The following POU6F1 variants were observed in gnomAD, a reference collection of about 807,000 sequenced individuals.
The protein encoded by POU6F1 is POU class 6 homeobox 1, also known as POU domain, class 6, transcription factor 1.
In POU6F1, 9 loss-of-function variants were observed where a neutral mutation model predicts 28.9. The ratio of observed to expected loss-of-function variants is 0.31; its 90% CI spans 0.19 to 0.54. POU6F1 has a LOEUF of 0.54. Ranked by LOEUF, POU6F1 falls within the 20% of genes least tolerant of loss-of-function variation. The pLI, the probability that POU6F1 is intolerant of heterozygous loss-of-function variation, is 0.94. For synonymous variants in POU6F1, 173 were observed against 171.1 expected (o/e 1.01, Z -0.09); for missense variants, 338 against 426.1 (o/e 0.79, Z 1.82).
In POU6F1 at chr12:51,190,631, A is replaced by C. The variant is rs746343924; in HGVS notation, c.1491-39T>G. 1.3e-6 allele frequency: 2 copies of C among 1,597,878 alleles called. No homozygotes were observed. The highest frequency in any genetic ancestry group is 2.2e-5 in the South Asian group (2 of 89,048). On this transcript the variant is annotated intron_variant, in intron 10 of 10. Transcript: ENST00000333640. The surrounding 1 kb of genome is among the most constrained non-coding windows in gnomAD (Gnocchi z 4.5). The stretch of plus-strand genomic sequence containing the variant: ...ATACCCAGGAAGAGGCAGTGAGAGC[A>C]TGTTGGTCTCTTTGGCACACCCCGC...
rs777397038 is a variant in POU6F1, at chr12:51,190,342, G to C, written c.1741C>G (p.Leu581Val). 2.5e-6 allele frequency: 4 copies of C among 1,614,192 alleles called. No individual in the cohort carries two copies. Among genetic ancestry groups the C allele is most frequent in the Non-Finnish European group, 2.5e-6 (3 of 1,180,042 alleles). Residue 581 changes from leucine (L) to valine (V), a missense_variant, in exon 11 of 11, where the codon CTC (leucine) becomes GTC (valine). Coordinates refer to ENST00000333640, the MANE Select transcript of POU6F1 (RefSeq NM_001330422.2). The surrounding 1 kb of genome is among the most constrained non-coding windows in gnomAD (Gnocchi z 4.5). ...CGCACTACCTCACGGTCGTAGTTGA[G>C]CTCCTTAGCAATTTCAGTGATCTCC... ...GQEITEIAKE[L>V]NYDREVVRVW...
intron 3 of POU6F1, chr12:51,201,683 C>G (rs2137157807): frequency 6.6e-6 from 1 of 152,194 alleles, no homozygotes; most frequent in East Asian, 1.9e-4. Context: ...AGCTTACCCT[C>G]TAAAGAAGCA....
intron 7 of POU6F1, 41 bp from the exon 8 acceptor site, chr12:51,196,214 C>T (rs1420798633): frequency 2.8e-6 from 4 of 1,419,834 alleles, no homozygotes; most frequent in Non-Finnish European, 3.7e-6. Context: ...GTGAGGGTAG[C>T]ATCCAGCTCC....
chr12:51,213,360 C>T (rs1235590213), intron 1 of POU6F1, among the ~76,000 whole-genome samples: 1 of 152,122 alleles, frequency 6.6e-6, no homozygotes, highest in Non-Finnish European at 1.5e-5. Context: ...GACTTTTAAA[C>T]TCAGATCCAT....
intron 1 of POU6F1, among the ~76,000 whole-genome samples, chr12:51,209,148 C>A (rs1943823000): frequency 6.6e-6 from 1 of 152,334 alleles, no homozygotes; most frequent in South Asian, 2.1e-4. Flanking sequence ...ACATCCCATA[C>A]AATTAACCAT....
rs145240648 is a variant in POU6F1, at chr12:51,217,498, C to G, written c.-48+144G>C. 0.056 allele frequency: 8,544 copies of G among 152,706 alleles called. 752 individuals carry two copies. Among genetic ancestry groups the G allele is most frequent in the African/African-American group, 0.18 (7,469 of 41,422 alleles). The allele number at this position is 152,706 out of a possible 1,614,324, so 9.5% of individuals were successfully genotyped here. A position where few individuals can be genotyped will look rare whatever the true frequency, so the allele number is the denominator to read the frequency against. On this transcript the variant is annotated intron_variant, in intron 1 of 10. Coordinates refer to ENST00000333640, the MANE Select transcript of POU6F1 (RefSeq NM_001330422.2). This position sits in a 1 kb window ranked among gnomAD's most constrained non-coding sequence, Gnocchi z 5.3. ...CCGGCCCAGCATCCCGCCGCCCCGG[C>G]CCCGCGGCTTTTTTTCTCTTTATCA...
intron 9 of POU6F1, among the ~76,000 whole-genome samples, chr12:51,192,103 C>T (rs541613050): frequency 2.4e-5 from 3 of 124,740 alleles, no homozygotes; most frequent in South Asian, 2.5e-4. Context: ...GCCCATGGCT[C>T]GGCCTCTCCA....
At chr12:51,208,674 C>T (rs1373438075) in intron 1 of POU6F1, among the ~76,000 whole-genome samples, 6 of 152,172 alleles carry the variant, frequency 3.9e-5, no homozygotes, top group Non-Finnish European at 4.4e-5. Context: ...TAAAAAAGAA[C>T]CAAGGCTCAT....
intron 1 of POU6F1, among the ~76,000 whole-genome samples, chr12:51,214,073 C>T (rs572027849): frequency 1.3e-5 from 2 of 151,712 alleles, no homozygotes; most frequent in African/African-American, 2.4e-5. Context: ...AACCGGGAGG[C>T]GGAGGTTGCA....
intron 2 of POU6F1, among the ~76,000 whole-genome samples, chr12:51,204,855 G>C (rs116893960): frequency 6.6e-6 from 1 of 152,006 alleles, no homozygotes; most frequent in African/African-American, 2.4e-5. Context: ...AAAGATAAAG[G>C]GATGGAAAAT....
intron 3 of POU6F1, among the ~76,000 whole-genome samples, chr12:51,200,446 T>C (rs1193570164): frequency 2.0e-5 from 3 of 152,164 alleles, no homozygotes; most frequent in African/African-American, 7.2e-5. Flanking sequence ...TTTTCTCTGC[T>C]ATTCCCGGAG....
intron 6 of POU6F1, 49 bp from the exon 7 acceptor site, chr12:51,196,976 C>A (rs1942869212): frequency 2.6e-6 from 3 of 1,142,172 alleles, no homozygotes; most frequent in East Asian, 2.4e-5. Flanking sequence ...GTGAGAAGAA[C>A]CCCGGGCAGA....
At chr12:51,194,107 A>T (rs925943733) in intron 8 of POU6F1, among the ~76,000 whole-genome samples, 2 of 151,670 alleles carry the variant, frequency 1.3e-5, no homozygotes, top group African/African-American at 4.8e-5. Context: ...GCTCATCACA[A>T]CCTCTGCCTC....
At chr12:51,192,268 G>T (rs1263602260) in intron 9 of POU6F1, 62 bp downstream of exon 9, 2 of 1,579,266 alleles carry the variant, frequency 1.3e-6, no homozygotes, top group Non-Finnish European at 1.7e-6. Flanking sequence ...CATCTGAAGA[G>T]ATTGGGTGCC....
At chr12:51,195,380 G>C (rs970496757) in intron 8 of POU6F1, among the ~76,000 whole-genome samples, 2 of 152,104 alleles carry the variant, frequency 1.3e-5, no homozygotes, top group Non-Finnish European at 2.9e-5. Flanking sequence ...CTTTTCTCTA[G>C]GGCCCCAAAC....
intron 9 of POU6F1, among the ~76,000 whole-genome samples, chr12:51,192,094 C>A (rs575788683): frequency 6.7e-6 from 1 of 149,996 alleles, no homozygotes; most frequent in East Asian, 2.0e-4. Context: ...GCGGAGACAG[C>A]CCATGGCTCG....
intron 1 of POU6F1, among the ~76,000 whole-genome samples, chr12:51,214,977 A>G (rs556005344): frequency 6.6e-6 from 1 of 152,236 alleles, no homozygotes; most frequent in African/African-American, 2.4e-5. Flanking sequence ...AGAAAAAAAA[A>G]AGAAATGTGA....
At chr12:51,212,835 TAAG>T (rs534328237) in intron 1 of POU6F1, among the ~76,000 whole-genome samples, 2 of 85,362 alleles carry the variant, frequency 2.3e-5, no homozygotes, top group East Asian at 6.7e-4. Flanking sequence ...GTCAAGGAAA[TAAG>T]AAGGTAACTA....
intron 1 of POU6F1, among the ~76,000 whole-genome samples, chr12:51,216,227 T>C (rs1388030321): frequency 6.6e-6 from 1 of 152,220 alleles, no homozygotes; most frequent in Non-Finnish European, 1.5e-5. Flanking sequence ...GATAATTTTA[T>C]GGTGAGTAAA....
Sources: gnomAD v4.1 joint callset for allele counts (sites outside exome capture counted in the v4.1 genomes callset) on GRCh38, gnomAD v4.1.1 for gene constraint, Gnocchi (gnomAD v3.1) non-coding constraint, MANE v1.5 for transcripts, NCBI Gene and HGNC (gene_info 2026-07-23, HGNC 2026-07-21) for gene names.